SORCS3: variants seen among roughly 807,000 people sequenced by gnomAD.
The protein encoded by SORCS3 is VPS10 domain-containing receptor SorCS3.
A neutral mutation model predicts 146.3 loss-of-function variants in SORCS3; 57 were observed. That is an observed-to-expected ratio of 0.39 (90% CI 0.31 to 0.49). The LOEUF (loss-of-function observed/expected upper bound fraction) is 0.49. Among genes scored for constraint, SORCS3 ranks in the 20% least tolerant of loss-of-function variants. The pLI, the probability that SORCS3 is intolerant of heterozygous loss-of-function variation, is 0.92. For synonymous variants in SORCS3, 653 were observed against 618.5 expected (o/e 1.06, Z -0.83); for missense variants, 1,341 against 1,575.5 (o/e 0.85, Z 2.52).
chr10:104,873,006 A>G (rs2018534704), intron 2 of SORCS3, among the ~76,000 whole-genome samples: 1 of 152,238 alleles, frequency 6.6e-6, no homozygotes, highest in African/African-American at 2.4e-5. Flanking sequence ...ACAGACAAAC[A>G]TACACATTTG....
chr10:105,132,726 C>A lies in SORCS3; in HGVS notation c.1213-6671C>A, dbSNP rs541369063. 4.7e-3 allele frequency among the ~76,000 whole-genome samples: 719 copies of A among 152,212 alleles called. 3 individuals carry two copies. Among genetic ancestry groups the A allele is most frequent in the South Asian group, 0.021 (100 of 4,816 alleles). On this transcript the variant is annotated intron_variant, in intron 7 of 26. Coordinates refer to ENST00000369701, the MANE Select transcript of SORCS3 (RefSeq NM_014978.3). ...GGAATCATTTTCACTGGCCAGGAGC[C>A]CAATTAAACCTGTAAAATGGAAATC... is the stretch of plus-strand genomic sequence containing the variant.
At chr10:104,994,871 C>A (rs917503836) in intron 4 of SORCS3, among the ~76,000 whole-genome samples, 4 of 152,064 alleles carry the variant, frequency 2.6e-5, no homozygotes. Flanking sequence ...TGGATTGAAC[C>A]TAGGAAAATA....
At chr10:104,983,717 C>T (rs1436259706) in intron 4 of SORCS3, among the ~76,000 whole-genome samples, 10 of 151,884 alleles carry the variant, frequency 6.6e-5, no homozygotes. Flanking sequence ...CTAGATTTCT[C>T]GTTTTCCAGT....
chr10:104,946,985 T>C (rs2019377780), intron 3 of SORCS3, among the ~76,000 whole-genome samples: 2 of 152,234 alleles, frequency 1.3e-5, no homozygotes, highest in South Asian at 4.1e-4. Flanking sequence ...GAGGTTCAAC[T>C]TACCTCTGGG....
chr10:104,803,022 T>C (rs974090257), intron 1 of SORCS3, among the ~76,000 whole-genome samples: 3 of 152,182 alleles, frequency 2.0e-5, no homozygotes, highest in Non-Finnish European at 4.4e-5. Context: ...TTCATCCACC[T>C]TGTTGCTCTA....
chr10:105,259,393 T>C (rs1589715238), intron 25 of SORCS3, among the ~76,000 whole-genome samples: 1 of 152,170 alleles, frequency 6.6e-6, no homozygotes, highest in Non-Finnish European at 1.5e-5. Flanking sequence ...CATTAAGACA[T>C]TCATTCATCC....
intron 20 of SORCS3, among the ~76,000 whole-genome samples, chr10:105,237,552 G>C (rs1169049151): frequency 1.3e-5 from 2 of 152,156 alleles, no homozygotes; most frequent in African/African-American, 4.8e-5. Context: ...TCAGTGCAGT[G>C]CTATTTGCTA....
At chr10:105,003,491 ACT>A (rs2055073713) in intron 4 of SORCS3, among the ~76,000 whole-genome samples, 1 of 151,426 alleles carries the variant, frequency 6.6e-6, no homozygotes, top group Admixed American at 6.6e-5. Flanking sequence ...CTTTTTCCAA[ACT>A]CTCTGATTCC....
chr10:105,174,828 TC>T (rs1345799530), intron 13 of SORCS3, among the ~76,000 whole-genome samples: 6 of 152,086 alleles, frequency 3.9e-5, no homozygotes, highest in African/African-American at 1.2e-4. Flanking sequence ...ACAATTTCTC[TC>T]CCCATCTGGA....
chr10:105,246,328 T>C (rs1262913506), intron 21 of SORCS3, among the ~76,000 whole-genome samples: 1 of 152,194 alleles, frequency 6.6e-6, no homozygotes, highest in African/African-American at 2.4e-5. Flanking sequence ...TTTTCTTTTT[T>C]TTTAGATTTT....
chr10:105,046,522 C>T (rs11192297), intron 5 of SORCS3, among the ~76,000 whole-genome samples: 10,601 of 152,050 alleles, frequency 0.07, 1,032 homozygotes, highest in African/African-American at 0.22. Context: ...TCGTCTGTTC[C>T]GTCATCTACA....
At chr10:104,811,976 C>T (rs2133519253) in intron 1 of SORCS3, among the ~76,000 whole-genome samples, 1 of 152,030 alleles carries the variant, frequency 6.6e-6, no homozygotes, top group East Asian at 1.9e-4. Context: ...ATACGTGTGC[C>T]CCATACATTT....
At chr10:104,847,959 C>G (rs1414492469) in intron 2 of SORCS3, among the ~76,000 whole-genome samples, 1 of 152,024 alleles carries the variant, frequency 6.6e-6, no homozygotes, top group Non-Finnish European at 1.5e-5. Context: ...ACCCTCCTTT[C>G]TGGGTGGGAG....
At chr10:104,822,090 T>C in intron 1 of SORCS3, 2 of 518,514 alleles carry the variant, frequency 3.9e-6, no homozygotes, top group Non-Finnish European at 7.7e-6. Flanking sequence ...TCCTGGAGTC[T>C]GACCAGCTCC....
intron 5 of SORCS3, among the ~76,000 whole-genome samples, chr10:105,065,042 G>A (rs2055513463): frequency 6.6e-6 from 1 of 152,112 alleles, no homozygotes; most frequent in Admixed American, 6.5e-5. Context: ...AATCACGTAG[G>A]GTGCAGGTAA....
intron 6 of SORCS3, among the ~76,000 whole-genome samples, chr10:105,091,301 CTCCT>C (rs1301569305): frequency 1.4e-5 from 1 of 70,430 alleles, no homozygotes; most frequent in Non-Finnish European, 2.9e-5. Context: ...CCTTCCTTCC[CTCCT>C]TCCTTCCTTC....
At chr10:104,941,303 C>T (rs911363588) in intron 3 of SORCS3, among the ~76,000 whole-genome samples, 1 of 152,144 alleles carries the variant, frequency 6.6e-6, no homozygotes, top group Non-Finnish European at 1.5e-5. Context: ...TTTACTCAGC[C>T]CCTATTCAAG....
chr10:104,647,107 T>C (rs2015504813), intron 1 of SORCS3, among the ~76,000 whole-genome samples: 1 of 152,180 alleles, frequency 6.6e-6, no homozygotes, highest in African/African-American at 2.4e-5. Flanking sequence ...GCCAGGAGTG[T>C]TTCATCCAGT....
intron 2 of SORCS3, among the ~76,000 whole-genome samples, chr10:104,884,261 C>T (rs1006431278): frequency 6.6e-6 from 1 of 152,158 alleles, no homozygotes; most frequent in African/African-American, 2.4e-5. Flanking sequence ...TGTAAGTATG[C>T]TTTTGTCACT....
Sources: allele counts gnomAD v4.1 joint callset (sites outside exome capture counted in the v4.1 genomes callset), GRCh38; gene constraint gnomAD v4.1.1; transcripts MANE v1.5; gene names NCBI Gene and HGNC (gene_info 2026-07-23, HGNC 2026-07-21).